MDGA2: variants seen among roughly 807,000 people sequenced by gnomAD.
The protein encoded by MDGA2 is MAM domain-containing glycosylphosphatidylinositol anchor protein 2.
A neutral mutation model predicts 117.8 loss-of-function variants in MDGA2; 40 were observed. The observed-to-expected ratio is 0.34, with a 90% CI of 0.26 to 0.44. MDGA2 has a LOEUF of 0.44. Among genes scored for constraint, MDGA2 ranks in the 20% least tolerant of loss-of-function variants. The pLI is 1.00. For missense variants in MDGA2, 1,123 were observed against 1,250.6 expected (o/e 0.90, Z 1.54); for synonymous variants, 452 against 439.0 (o/e 1.03, Z -0.37).
intron 1 of MDGA2, among the ~76,000 whole-genome samples, chr14:47,634,571 A>G (rs1490252681): frequency 6.6e-6 from 1 of 152,146 alleles, no homozygotes; most frequent in Non-Finnish European, 1.5e-5. Flanking sequence ...TCCAGTAAAC[A>G]AAACTGTTTT....
intron 2 of MDGA2, among the ~76,000 whole-genome samples, chr14:47,281,540 T>C (rs1286235625): frequency 6.6e-6 from 1 of 152,208 alleles, no homozygotes; most frequent in Non-Finnish European, 1.5e-5. Flanking sequence ...CGTAGAGGTA[T>C]ATACTGTCTG....
chr14:47,527,784 C>T lies in MDGA2; in HGVS notation c.280+146733G>A, dbSNP rs1895003168. On this transcript the variant is annotated intron_variant, in intron 1 of 16. Coordinates refer to ENST00000399232, the MANE Select transcript of MDGA2 (RefSeq NM_001113498.3). ...TTGAGCACAGCAGTGGTGGCAATGC[C>T]AGACTGCAGAGAGGTTAAGCGGAAA... Among the ~76,000 whole-genome samples the T allele has an allele frequency of 2.0e-5, 3 of 152,108 alleles. No homozygotes were observed. In the South Asian group the frequency reaches 6.2e-4, roughly 31 times the overall value.
At chr14:46,908,262 C>G (rs2138471803) in intron 10 of MDGA2, among the ~76,000 whole-genome samples, 1 of 152,242 alleles carries the variant, frequency 6.6e-6, no homozygotes, top group South Asian at 2.1e-4. Flanking sequence ...AGCTAAAGCT[C>G]TAGCTCTTTA....
rs143483586 is a variant in MDGA2 at position 47,673,781 on chromosome 14, T to C, written c.280+736A>G. 3.0e-3 allele frequency among the ~76,000 whole-genome samples: 450 copies of C among 152,138 alleles called. 2 individuals carry two copies. Among genetic ancestry groups the C allele is most frequent in the African/African-American group, 0.01 (435 of 41,516 alleles). On this transcript the variant is annotated intron_variant, in intron 1 of 16. Coordinates refer to ENST00000399232, the MANE Select transcript of MDGA2 (RefSeq NM_001113498.3). ...AACAAGCTTGCCCTTCTCTAGTTCC[T>C]AAACCTAAATCTGGGTTTTCCAGAG...
In MDGA2 at chr14:47,035,144, C is replaced by T; in HGVS notation, c.1686G>A (p.Met562Ile). 1 of 1,614,128 alleles carries T rather than the reference C, an allele frequency of 6.2e-7. No individual in the cohort carries two copies. Among genetic ancestry groups the T allele is most frequent in the African/African-American group, 1.3e-5 (1 of 75,030 alleles). The change falls in exon 8 of 17, where the codon ATG (methionine) becomes ATA (isoleucine). Residue 562 changes from methionine to isoleucine, a missense_variant. Coordinates refer to ENST00000399232, the MANE Select transcript of MDGA2 (RefSeq NM_001113498.3). ...EVAMPDGSMQ[M>I]ESYDGTLRIV... ...TCCTCAGTGTTCCATCATAACTCTC[C>T]ATTTGCATTGATCCATCAGGCATTG...
intron 1 of MDGA2, chr14:47,343,195 T>C: frequency 8.8e-7 from 1 of 1,134,070 alleles, no homozygotes; most frequent in South Asian, 1.9e-5. Context: ...GCTCAAGCTA[T>C]TAAAAGGAAT....
At chr14:46,964,633 A>G (rs1885943193) in intron 8 of MDGA2, among the ~76,000 whole-genome samples, 2 of 152,216 alleles carry the variant, frequency 1.3e-5, no homozygotes, top group East Asian at 1.9e-4. Flanking sequence ...TATTGTTGCA[A>G]TTTAATAGCT....
At chr14:47,668,646 A>G (rs1041570260) in intron 1 of MDGA2, among the ~76,000 whole-genome samples, 2 of 152,258 alleles carry the variant, frequency 1.3e-5, no homozygotes, top group Non-Finnish European at 2.9e-5. Context: ...CAAAGAAACA[A>G]AAGTTATTTT....
chr14:47,390,092 G>A (rs1594832578), intron 1 of MDGA2, among the ~76,000 whole-genome samples: 1 of 152,026 alleles, frequency 6.6e-6, no homozygotes, highest in East Asian at 1.9e-4. Context: ...CAGCATTTGA[G>A]GTGTTGATCA....
At chr14:47,044,577 T>A (rs1213232518) in intron 7 of MDGA2, among the ~76,000 whole-genome samples, 1 of 152,160 alleles carries the variant, frequency 6.6e-6, no homozygotes, top group Non-Finnish European at 1.5e-5. Context: ...CTACCGTTTT[T>A]GTCCATAATA....
At chr14:47,591,633 G>A (rs1047279401) in intron 1 of MDGA2, among the ~76,000 whole-genome samples, 3 of 152,056 alleles carry the variant, frequency 2.0e-5, no homozygotes, top group African/African-American at 7.2e-5. Flanking sequence ...TGCAAGTCTG[G>A]TTCAAAATAC....
At chr14:46,911,880 C>A (rs1883718593) in intron 10 of MDGA2, among the ~76,000 whole-genome samples, 1 of 152,000 alleles carries the variant, frequency 6.6e-6, no homozygotes, top group Admixed American at 6.6e-5. Context: ...AGTTGAGGGT[C>A]ATGGGGTGGG....
chr14:47,476,997 A>G (rs1893856431), intron 1 of MDGA2, among the ~76,000 whole-genome samples: 1 of 152,128 alleles, frequency 6.6e-6, no homozygotes, highest in Admixed American at 6.5e-5. Context: ...CCCCGTCTCT[A>G]CTAAAACTGC....
intron 1 of MDGA2, among the ~76,000 whole-genome samples, chr14:47,429,731 G>A (rs1892761634): frequency 6.6e-6 from 1 of 151,820 alleles, no homozygotes; most frequent in Non-Finnish European, 1.5e-5. Flanking sequence ...AAAGTCCGAG[G>A]CACCATTTTC....
intron 1 of MDGA2, among the ~76,000 whole-genome samples, chr14:47,303,562 A>T (rs1017502440): frequency 1.3e-5 from 2 of 152,182 alleles, no homozygotes; most frequent in Non-Finnish European, 2.9e-5. Flanking sequence ...AATTTAGATA[A>T]GTAATACTAG....
intron 1 of MDGA2, among the ~76,000 whole-genome samples, chr14:47,410,694 C>T (rs572255619): frequency 6.6e-6 from 1 of 152,266 alleles, no homozygotes; most frequent in African/African-American, 2.4e-5. Context: ...CTAAAAATAA[C>T]TGCAAAATGT....
At chr14:47,147,121 G>T in intron 3 of MDGA2, among the ~76,000 whole-genome samples, 1 of 151,886 alleles carries the variant, frequency 6.6e-6, no homozygotes, top group Middle Eastern at 3.5e-3. Flanking sequence ...GATTATATAT[G>T]TATGTTTGTG....
intron 14 of MDGA2, among the ~76,000 whole-genome samples, chr14:46,862,266 G>A (rs1166340906): frequency 1.3e-5 from 2 of 151,684 alleles, no homozygotes; most frequent in Non-Finnish European, 2.9e-5. Flanking sequence ...GAGCTTAGAG[G>A]ACTTTAGTCA....
chr14:46,945,310 G>A (rs1220374620), intron 9 of MDGA2, among the ~76,000 whole-genome samples: 1 of 152,052 alleles, frequency 6.6e-6, no homozygotes, highest in African/African-American at 2.4e-5. Context: ...GGAGTACCTA[G>A]AATAAGTCTT....
Sources: gnomAD v4.1 joint callset for allele counts (sites outside exome capture counted in the v4.1 genomes callset) on GRCh38, gnomAD v4.1.1 for gene constraint, MANE v1.5 for transcripts, NCBI Gene and HGNC (gene_info 2026-07-23, HGNC 2026-07-21) for gene names.